Variants in RBFOX1 observed in about 807,000 individuals in gnomAD.
RBFOX1 encodes RNA binding protein fox-1 homolog 1.
Under a neutral mutation model 57.7 loss-of-function variants are expected in RBFOX1, and 8 were observed. The ratio of observed to expected loss-of-function variants is 0.14; its 90% CI spans 0.08 to 0.25. The LOEUF is 0.25. Ranked by LOEUF, RBFOX1 falls within the 10% of genes least tolerant of loss-of-function variation. The pLI is 1.00. For synonymous variants in RBFOX1, 326 were observed against 222.4 expected (o/e 1.47, Z -4.15); for missense variants, 611 against 548.5 (o/e 1.11, Z -1.14).
At chr16:7,555,857 T>C (rs536010679) in intron 5 of RBFOX1, among the ~76,000 whole-genome samples, 3 of 152,278 alleles carry the variant, frequency 2.0e-5, no homozygotes, top group African/African-American at 7.2e-5. Flanking sequence ...ATTTATCTCA[T>C]GGTGCCTATG....
intron 4 of RBFOX1, among the ~76,000 whole-genome samples, chr16:5,941,046 A>C (rs2059268035): frequency 6.6e-6 from 1 of 152,188 alleles, no homozygotes; most frequent in African/African-American, 2.4e-5. Flanking sequence ...GTGAGAATTA[A>C]ATGAGATGAT....
chr16:6,954,013 G>A (rs2081282006), intron 3 of RBFOX1, among the ~76,000 whole-genome samples: 1 of 152,126 alleles, frequency 6.6e-6, no homozygotes, highest in South Asian at 2.1e-4. Context: ...GTCAAGACAA[G>A]GTATTGAGCC....
chr16:5,888,138 G>A (rs938213734), intron 4 of RBFOX1, among the ~76,000 whole-genome samples: 2 of 152,076 alleles, frequency 1.3e-5, no homozygotes, highest in Non-Finnish European at 2.9e-5. Context: ...CCCCAGCTTT[G>A]TGACTTTCTC....
intron 1 of RBFOX1, among the ~76,000 whole-genome samples, chr16:6,307,731 AATT>A (rs1456140092): frequency 1.4e-5 from 2 of 147,146 alleles, no homozygotes; most frequent in East Asian, 2.0e-4. Flanking sequence ...CTATTTTGAT[AATT>A]ATTTCCATAT....
At chr16:5,550,933 C>G (rs1459236070) in intron 2 of RBFOX1, among the ~76,000 whole-genome samples, 3 of 152,136 alleles carry the variant, frequency 2.0e-5, no homozygotes, top group African/African-American at 7.2e-5. Context: ...GTCTTGGAAA[C>G]CACAGCTGAT....
intron 4 of RBFOX1, among the ~76,000 whole-genome samples, chr16:7,144,173 A>T (rs1239292900): frequency 6.6e-6 from 1 of 152,158 alleles, no homozygotes; most frequent in Non-Finnish European, 1.5e-5. Context: ...TTAAGAAAGG[A>T]CATGGATAGA....
At chr16:6,128,569 C>T (rs763494612) in intron 1 of RBFOX1, among the ~76,000 whole-genome samples, 13 of 152,216 alleles carry the variant, frequency 8.5e-5, no homozygotes, top group African/African-American at 1.2e-4. Flanking sequence ...GACGTTCTCA[C>T]TGAGCTGAAG....
intron 4 of RBFOX1, among the ~76,000 whole-genome samples, chr16:7,399,991 T>A (rs938505863): frequency 9.2e-5 from 14 of 152,218 alleles, no homozygotes; most frequent in African/African-American, 2.9e-4. Flanking sequence ...CATTATATTT[T>A]AAAGTTTTAT....
At chr16:5,362,195 A>C (rs1418928663) in intron 1 of RBFOX1, among the ~76,000 whole-genome samples, 3 of 151,792 alleles carry the variant, frequency 2.0e-5, no homozygotes, top group Non-Finnish European at 2.9e-5. Flanking sequence ...GTGTCACTGA[A>C]ACTTTTTTTT....
intron 4 of RBFOX1, among the ~76,000 whole-genome samples, chr16:7,093,718 A>G (rs1239851946): frequency 6.6e-6 from 1 of 152,158 alleles, no homozygotes; most frequent in Admixed American, 6.5e-5. Flanking sequence ...AGAGGGAGTA[A>G]TACGCTATTT....
At chr16:7,482,025 C>G (rs567820065) in intron 4 of RBFOX1, among the ~76,000 whole-genome samples, 5 of 152,328 alleles carry the variant, frequency 3.3e-5, no homozygotes, top group Non-Finnish European at 5.9e-5. Flanking sequence ...GTCGAAAAGT[C>G]TTGAGTCGGG....
At chr16:6,577,161 C>G (rs2160175) in intron 2 of RBFOX1, 61,858 of 152,006 alleles carry the variant, frequency 0.41, 14,103 homozygotes, top group East Asian at 0.67. Flanking sequence ...CTACCTGGGT[C>G]GCTGAATGAC....
intron 2 of RBFOX1, among the ~76,000 whole-genome samples, chr16:6,601,904 A>G (rs1032354805): frequency 6.6e-6 from 1 of 152,174 alleles, no homozygotes; most frequent in African/African-American, 2.4e-5. Flanking sequence ...TGTGCATTTT[A>G]AAGGACAGTG....
At chr16:6,550,595 G>C (rs978445013) in intron 2 of RBFOX1, among the ~76,000 whole-genome samples, 7 of 152,180 alleles carry the variant, frequency 4.6e-5, no homozygotes, top group Non-Finnish European at 1.0e-4. Flanking sequence ...CAAAGTGCTG[G>C]GATTACAGGC....
At chr16:6,108,781 C>T (rs1029313186) in intron 1 of RBFOX1, among the ~76,000 whole-genome samples, 4 of 152,120 alleles carry the variant, frequency 2.6e-5, no homozygotes, top group African/African-American at 9.7e-5. Flanking sequence ...GTGGCCACAT[C>T]CCTGACTCCT....
At chr16:5,467,818 G>A (rs1222366612) in intron 2 of RBFOX1, among the ~76,000 whole-genome samples, 3 of 152,262 alleles carry the variant, frequency 2.0e-5, no homozygotes, top group Middle Eastern at 3.4e-3. Context: ...TTTCCTCCAC[G>A]ATGTTGTATC....
chr16:6,726,291 C>T (rs185747488), intron 3 of RBFOX1, among the ~76,000 whole-genome samples: 2 of 152,074 alleles, frequency 1.3e-5, no homozygotes, highest in Non-Finnish European at 2.9e-5. Flanking sequence ...GTAACATTTC[C>T]ATTAGGTTTT....
intron 2 of RBFOX1, among the ~76,000 whole-genome samples, chr16:6,639,640 G>A (rs777330124): frequency 1.3e-5 from 2 of 152,158 alleles, no homozygotes; most frequent in African/African-American, 2.4e-5. Context: ...ACTTTGGGAG[G>A]CCGAGGCGGG....
At chr16:7,196,506 A>G (rs2086731316) in intron 4 of RBFOX1, among the ~76,000 whole-genome samples, 2 of 152,228 alleles carry the variant, frequency 1.3e-5, no homozygotes, top group Non-Finnish European at 1.5e-5. Context: ...AGAGGCGTCT[A>G]CAATGTGCAG....
Sources: gnomAD v4.1 joint callset for allele counts (sites outside exome capture counted in the v4.1 genomes callset) on GRCh38, gnomAD v4.1.1 for gene constraint, MANE v1.5 for transcripts, NCBI Gene and HGNC (gene_info 2026-07-23, HGNC 2026-07-21) for gene names.